Variants in CCSER1 observed in about 807,000 individuals in gnomAD.
The protein encoded by CCSER1 is coiled-coil serine rich protein 1.
A neutral mutation model predicts 82.0 loss-of-function variants in CCSER1; 41 were observed. The ratio of observed to expected loss-of-function variants is 0.50; its 90% CI spans 0.39 to 0.65. The LOEUF (loss-of-function observed/expected upper bound fraction) is 0.65, where lower values mean the gene tolerates loss of function less well. CCSER1 is among the 30% of genes least tolerant of loss of function. CCSER1 has a pLI of 0.00. For missense variants in CCSER1, 1,119 were observed against 1,064.2 expected (o/e 1.05, Z -0.72); for synonymous variants, 414 against 383.9 (o/e 1.08, Z -0.92).
intron 10 of CCSER1, among the ~76,000 whole-genome samples, chr4:91,501,715 T>C (rs112692205): frequency 0.03 from 4,565 of 152,190 alleles, 142 homozygotes; most frequent in African/African-American, 0.084. Context: ...CCTTTTATCT[T>C]TCATCATTTG....
intron 7 of CCSER1, among the ~76,000 whole-genome samples, chr4:90,743,801 C>T (rs1746944046): frequency 6.6e-6 from 1 of 152,118 alleles, no homozygotes. Context: ...TGTCAGTTAC[C>T]ACACCATGCT....
intron 7 of CCSER1, among the ~76,000 whole-genome samples, chr4:90,779,079 G>A (rs1052455006): frequency 6.6e-6 from 1 of 151,964 alleles, no homozygotes; most frequent in African/African-American, 2.4e-5. Context: ...CAAATATTAT[G>A]TCATATCCCT....
intron 5 of CCSER1, among the ~76,000 whole-genome samples, chr4:90,574,251 A>ATTTTTTTTTTTTTTTTTT (rs777629017): frequency 7.0e-5 from 6 of 86,048 alleles, no homozygotes; most frequent in African/African-American, 3.7e-4. Flanking sequence ...AAACACATTA[A>ATTTTTTTTTTTTTTTTTT]TTTTTTTTTT....
Position 91,151,266 on chromosome 4 carries a change from T to G in CCSER1, c.2217+65272T>G, listed in dbSNP as rs1361253333. On this transcript the variant is annotated intron_variant, in intron 10 of 10. Coordinates refer to ENST00000509176, the MANE Select transcript of CCSER1 (RefSeq NM_001145065.2). ...TCTAGTTTATTTGCATAGAGGTGCT[T>G]ATAGTATTCTCTGATGGTAGTTTGT... Among the ~76,000 whole-genome samples the G allele has an allele frequency of 3.3e-5, 5 of 152,330 alleles. No individual in the cohort carries two copies. In the East Asian group the frequency reaches 9.7e-4, roughly 29 times the overall value.
intron 10 of CCSER1, among the ~76,000 whole-genome samples, chr4:91,095,964 T>C (rs923358341): frequency 6.6e-6 from 1 of 152,178 alleles, no homozygotes; most frequent in African/African-American, 2.4e-5. Flanking sequence ...GTTAAAGATG[T>C]ACATGAGTAG....
chr4:90,618,519 G>A (rs956013920), intron 5 of CCSER1, among the ~76,000 whole-genome samples: 3 of 151,722 alleles, frequency 2.0e-5, no homozygotes, highest in Non-Finnish European at 4.4e-5. Context: ...AGCTCTTAAA[G>A]CAATAATATT....
intron 8 of CCSER1, among the ~76,000 whole-genome samples, chr4:90,869,221 A>G (rs778964387): frequency 6.6e-6 from 1 of 151,954 alleles, no homozygotes. Context: ...CCATTTGTCT[A>G]TTTTTGCTTT....
At chr4:91,490,184 C>T (rs532219070) in intron 10 of CCSER1, among the ~76,000 whole-genome samples, 1 of 152,106 alleles carries the variant, frequency 6.6e-6, no homozygotes, top group African/African-American at 2.4e-5. Context: ...CAGTGTGAAG[C>T]TTCCTCAAAC....
intron 4 of CCSER1, among the ~76,000 whole-genome samples, chr4:90,439,101 G>A (rs554071440): frequency 6.6e-6 from 1 of 152,182 alleles, no homozygotes; most frequent in East Asian, 1.9e-4. Flanking sequence ...AGACAGGCTT[G>A]ACCAAGATGG....
At chr4:90,729,793 G>C (rs10023886) in intron 7 of CCSER1, among the ~76,000 whole-genome samples, 3 of 151,982 alleles carry the variant, frequency 2.0e-5, no homozygotes. Context: ...GGAGAATGGC[G>C]TGAACCCAGG....
At chr4:90,743,849 A>G (rs961236896) in intron 7 of CCSER1, among the ~76,000 whole-genome samples, 2 of 152,168 alleles carry the variant, frequency 1.3e-5, no homozygotes, top group Non-Finnish European at 2.9e-5. Flanking sequence ...AATAATGCCC[A>G]CAGGAATAAA....
intron 5 of CCSER1, among the ~76,000 whole-genome samples, chr4:90,493,335 T>A (rs770078472): frequency 2.0e-4 from 30 of 151,994 alleles, no homozygotes; most frequent in South Asian, 8.3e-4. Context: ...GTTGGAAAAC[T>A]CTCTGCAGGA....
chr4:90,153,733 A>AT (rs894991309), intron 1 of CCSER1, among the ~76,000 whole-genome samples: 74 of 151,252 alleles, frequency 4.9e-4, no homozygotes, highest in Non-Finnish European at 7.7e-4. Flanking sequence ...TGATGGGTTT[A>AT]TTTTTTTCTT....
chr4:91,555,993 A>G (rs1409790405), intron 10 of CCSER1, among the ~76,000 whole-genome samples: 3 of 151,396 alleles, frequency 2.0e-5, no homozygotes, highest in Non-Finnish European at 4.4e-5. Context: ...AGATGCAAAA[A>G]TAGAAGTTTC....
chr4:90,172,823 A>G (rs572332426), intron 1 of CCSER1, among the ~76,000 whole-genome samples: 1 of 151,976 alleles, frequency 6.6e-6, no homozygotes, highest in African/African-American at 2.4e-5. Context: ...TTGAAACAAT[A>G]TGTGTGCCTG....
intron 1 of CCSER1, among the ~76,000 whole-genome samples, chr4:90,164,371 T>C (rs1304217952): frequency 6.6e-6 from 1 of 152,012 alleles, no homozygotes; most frequent in African/African-American, 2.4e-5. Context: ...TTATTTAAGA[T>C]ATGAAGATAA....
intron 3 of CCSER1, among the ~76,000 whole-genome samples, chr4:90,366,543 A>G (rs911362662): frequency 2.0e-5 from 3 of 151,808 alleles, no homozygotes; most frequent in Non-Finnish European, 2.9e-5. Context: ...TGCATACTCT[A>G]TTATTAACTA....
chr4:91,289,642 A>G (rs951046382), intron 10 of CCSER1, among the ~76,000 whole-genome samples: 1 of 151,992 alleles, frequency 6.6e-6, no homozygotes, highest in Non-Finnish European at 1.5e-5. Flanking sequence ...AGAGAGGTCA[A>G]TAGAAATTGC....
intron 4 of CCSER1, among the ~76,000 whole-genome samples, chr4:90,436,146 A>T (rs1309535752): frequency 1.3e-5 from 2 of 152,178 alleles, no homozygotes; most frequent in Non-Finnish European, 2.9e-5. Context: ...CAGAAAAAAT[A>T]ATAGCAATCT....
Sources: gnomAD v4.1 joint callset for allele counts (sites outside exome capture counted in the v4.1 genomes callset) on GRCh38, gnomAD v4.1.1 for gene constraint, MANE v1.5 for transcripts, NCBI Gene and HGNC (gene_info 2026-07-23, HGNC 2026-07-21) for gene names.